The following SHB variants were observed in gnomAD, a reference collection of about 807,000 sequenced individuals.
SHB encodes the protein SH2 domain-containing adapter protein B.
Under a neutral mutation model 52.3 loss-of-function variants are expected in SHB, and 20 were observed. The ratio of observed to expected loss-of-function variants is 0.38; its 90% CI spans 0.27 to 0.56. The LOEUF (loss-of-function observed/expected upper bound fraction) is 0.56. SHB is among the 20% of genes least tolerant of loss of function. The pLI, the probability that SHB is intolerant of heterozygous loss-of-function variation, is 0.71. For synonymous variants in SHB, 397 were observed against 316.5 expected (o/e 1.25, Z -2.70); for missense variants, 825 against 723.3 (o/e 1.14, Z -1.61).
chr9:37,959,843 AC>A (rs57157880), intron 3 of SHB, among the ~76,000 whole-genome samples: 88,104 of 151,876 alleles, frequency 0.58, 25,806 homozygotes, highest in East Asian at 0.82. Context: ...TGCATGTCCT[AC>A]CCTGGCTCCC....
At chr9:38,047,627 A>G (rs1821675045) in intron 1 of SHB, among the ~76,000 whole-genome samples, 1 of 152,278 alleles carries the variant, frequency 6.6e-6, no homozygotes, top group Non-Finnish European at 1.5e-5. Flanking sequence ...AAACAGCAGC[A>G]GATCAAAAAG....
At chr9:37,949,392 C>CAAAAAAAAAAA (rs771495216) in intron 4 of SHB, among the ~76,000 whole-genome samples, 1 of 50,298 alleles carries the variant, frequency 2.0e-5, no homozygotes, top group African/African-American at 7.0e-5. Context: ...GACTCCATCT[C>CAAAAAAAAAAA]AAAAAAAAAA....
chr9:37,954,306 T>C (rs568262821), intron 4 of SHB, among the ~76,000 whole-genome samples: 51 of 152,284 alleles, frequency 3.3e-4, no homozygotes, highest in Admixed American at 1.4e-3. Flanking sequence ...GAGAATTTCC[T>C]GTGAGGGTAT....
chr9:37,976,064 C>G (rs1820649570), intron 2 of SHB, among the ~76,000 whole-genome samples: 1 of 152,114 alleles, frequency 6.6e-6, no homozygotes, highest in South Asian at 2.1e-4. Flanking sequence ...GAGATGGAGT[C>G]TTACTCTGTT....
At chr9:37,986,823 G>A (rs1820813100) in intron 2 of SHB, among the ~76,000 whole-genome samples, 1 of 152,218 alleles carries the variant, frequency 6.6e-6, no homozygotes, top group African/African-American at 2.4e-5. Context: ...GCCCAGCAGG[G>A]ACTTCACAGG....
chr9:37,918,420 GC>G lies in SHB; in HGVS notation c.*1400del. Among the ~76,000 whole-genome samples the G allele has an allele frequency of 8.9e-6, 1 of 111,880 alleles. No homozygotes were observed. Among genetic ancestry groups the G allele is most frequent in the Non-Finnish European group, 2.0e-5 (1 of 50,748 alleles). 73.4% of individuals were successfully genotyped at this position (111,880 alleles called of 152,430 possible). A position where few individuals can be genotyped will look rare whatever the true frequency, so the allele number is the denominator to read the frequency against. On this transcript the variant is annotated 3_prime_UTR_variant, in exon 6 of 6. Coordinates refer to ENST00000377707, the MANE Select transcript of SHB (RefSeq NM_003028.3). ...GTGGAAGCAGTGTGGACCACTGAGG[GC>G]TGTGTGTGTGTGTGTGTGTGTGTGT...
chr9:37,963,448 G>C (rs577845685), intron 3 of SHB, among the ~76,000 whole-genome samples: 1 of 152,300 alleles, frequency 6.6e-6, no homozygotes, highest in South Asian at 2.1e-4. Flanking sequence ...AATGAACATG[G>C]GCCACATTTG....
At chr9:38,049,876 T>G (rs564012356) in intron 1 of SHB, among the ~76,000 whole-genome samples, 2 of 151,314 alleles carry the variant, frequency 1.3e-5, no homozygotes, top group East Asian at 4.0e-4. Flanking sequence ...CTTGGCTCAC[T>G]GCAACCTCCG....
At chr9:38,022,839 C>T (rs1821298015) in intron 1 of SHB, among the ~76,000 whole-genome samples, 1 of 152,222 alleles carries the variant, frequency 6.6e-6, no homozygotes, top group Non-Finnish European at 1.5e-5. Flanking sequence ...AAGACATCGA[C>T]AGCCAGTAAA....
rs143267542 is a variant in SHB, at chr9:38,055,601, T to C, written c.717+12328A>G. 3.6e-3 allele frequency among the ~76,000 whole-genome samples: 547 copies of C among 152,220 alleles called. 4 individuals carry two copies. Among genetic ancestry groups the C allele is most frequent in the African/African-American group, 0.012 (519 of 41,544 alleles). On this transcript the variant is annotated intron_variant, in intron 1 of 5. Coordinates refer to ENST00000377707, the MANE Select transcript of SHB (RefSeq NM_003028.3). The stretch of plus-strand genomic sequence containing the variant: ...CCACCTCGCCCAAATGCTTCTCTTG[T>C]CTGCTCAGGGAGTCATTTACCTGCC...
intron 4 of SHB, among the ~76,000 whole-genome samples, chr9:37,950,400 G>T (rs1160492340): frequency 6.6e-6 from 1 of 152,142 alleles, no homozygotes; most frequent in African/African-American, 2.4e-5. Flanking sequence ...CAAGTAGTGG[G>T]CCTATAGGCA....
chr9:38,062,325 T>C (rs909332468), intron 1 of SHB, among the ~76,000 whole-genome samples: 4 of 152,158 alleles, frequency 2.6e-5, no homozygotes, highest in African/African-American at 7.2e-5. Context: ...GGGGATAAGG[T>C]AGATGATGGC....
chr9:37,934,183 C>T (rs552375390), intron 5 of SHB, among the ~76,000 whole-genome samples: 1 of 152,174 alleles, frequency 6.6e-6, no homozygotes, highest in African/African-American at 2.4e-5. Context: ...CTGAGTCCCC[C>T]CCTCTCCCAG....
intron 1 of SHB, among the ~76,000 whole-genome samples, chr9:38,044,685 G>A (rs775350824): frequency 2.0e-5 from 3 of 152,244 alleles, no homozygotes; most frequent in Non-Finnish European, 4.4e-5. Context: ...CTGCTCTGGA[G>A]GGCACTGGAG....
chr9:37,918,294 T>C lies in SHB; in HGVS notation c.*1527A>G, dbSNP rs1205297432. Among the ~76,000 whole-genome samples the C allele has an allele frequency of 2.0e-5, 3 of 152,180 alleles. No individual in the cohort carries two copies. The highest frequency in any genetic ancestry group is 3.9e-4 in the East Asian group (2 of 5,194). On this transcript the variant is annotated 3_prime_UTR_variant, in exon 6 of 6. Transcript: ENST00000377707. ...GGAAAAAGCAGGAGAGCTGAGAAAC[T>C]CTTAGCCTCATCGGGGCTGCCTGGC...
chr9:37,927,336 C>G (rs1254321385), intron 5 of SHB, among the ~76,000 whole-genome samples: 1 of 152,254 alleles, frequency 6.6e-6, no homozygotes, highest in Non-Finnish European at 1.5e-5. Flanking sequence ...GACACACACA[C>G]CAAGTTATTG....
At chr9:37,985,400 G>A (rs1332469426) in intron 2 of SHB, among the ~76,000 whole-genome samples, 4 of 152,256 alleles carry the variant, frequency 2.6e-5, no homozygotes, top group Non-Finnish European at 5.9e-5. Flanking sequence ...AAAAGGCCAC[G>A]TGGACCTTGC....
At chr9:38,006,275 C>A (rs1326585655) in intron 2 of SHB, among the ~76,000 whole-genome samples, 1 of 152,202 alleles carries the variant, frequency 6.6e-6, no homozygotes, top group Non-Finnish European at 1.5e-5. Flanking sequence ...GTCTCCCTGC[C>A]TCTTGCTAGG....
At chr9:38,017,395 G>T (rs1821226027) in intron 1 of SHB, among the ~76,000 whole-genome samples, 2 of 152,228 alleles carry the variant, frequency 1.3e-5, no homozygotes, top group African/African-American at 4.8e-5. Flanking sequence ...GCATTTGAGG[G>T]GCCTGCAAAC....
Sources: gnomAD v4.1 joint callset for allele counts (sites outside exome capture counted in the v4.1 genomes callset) on GRCh38, gnomAD v4.1.1 for gene constraint, MANE v1.5 for transcripts, NCBI Gene and HGNC (gene_info 2026-07-23, HGNC 2026-07-21) for gene names.